Variants in MBOAT2 observed in about 807,000 individuals in gnomAD.
MBOAT2 encodes the protein membrane bound glycerophospholipid O-acyltransferase 2.
In MBOAT2, 28 loss-of-function variants were observed where a neutral mutation model predicts 63.4. That is an observed-to-expected ratio of 0.44 (90% CI 0.33 to 0.61). MBOAT2 has a LOEUF of 0.61. MBOAT2 is among the 20% of genes least tolerant of loss of function. The pLI is 0.03. For synonymous variants in MBOAT2, 211 were observed against 215.6 expected (o/e 0.98, Z 0.19); for missense variants, 470 against 605.8 (o/e 0.78, Z 2.35).
intron 1 of MBOAT2, among the ~76,000 whole-genome samples, chr2:8,992,431 C>G (rs1460906943): frequency 6.6e-6 from 1 of 152,148 alleles, no homozygotes; most frequent in Non-Finnish European, 1.5e-5. Flanking sequence ...GCTACCGTGC[C>G]CAGCCTCTCC....
rs954185150 is a variant in MBOAT2, at chr2:8,928,670, CA to C, written c.299+14516del. 2.0e-3 allele frequency among the ~76,000 whole-genome samples: 300 copies of C among 146,958 alleles called. 1 individual carries two copies. The highest frequency in any genetic ancestry group is 3.4e-3 in the Middle Eastern group (1 of 292). On this transcript the variant is annotated intron_variant, in intron 3 of 12. Transcript: ENST00000305997. ...TTTTATGAAAAATATATTTCCAAAA[CA>C]AAAAAAAAATTAGTGAGAAGAGTGG... is the stretch of plus-strand genomic sequence containing the variant.
rs1239129561 is a variant in MBOAT2 at position 8,853,970 on chromosome 2, T to C, written c.*4709A>G. On this transcript the variant is annotated 3_prime_UTR_variant, in exon 13 of 13. Coordinates refer to ENST00000305997, the MANE Select transcript of MBOAT2 (RefSeq NM_138799.4). ...TATTATTTTAAAACATACAAAAACATTATTCAGCAGCCTACCAATTAAAAT... is the reference window on the plus strand; with the variant it reads ...TATTATTTTAAAACATACAAAAACACTATTCAGCAGCCTACCAATTAAAAT... 1 of 152,170 alleles carries C rather than the reference T, an allele frequency of 6.6e-6. No individual in the cohort carries two copies. The highest frequency in any genetic ancestry group is 2.4e-5 in the African/African-American group (1 of 41,428). 9.4% of individuals were successfully genotyped at this position (152,170 alleles called of 1,614,324 possible). A position where few individuals can be genotyped will look rare whatever the true frequency, so the allele number is the denominator to read the frequency against.
At chr2:8,881,054 C>A (rs1221243354) in intron 6 of MBOAT2, among the ~76,000 whole-genome samples, 1 of 152,048 alleles carries the variant, frequency 6.6e-6, no homozygotes, top group East Asian at 1.9e-4. Flanking sequence ...GTGGGGATGG[C>A]CCAACAGAGA....
chr2:8,890,601 C>A (rs1663922835), intron 4 of MBOAT2, among the ~76,000 whole-genome samples: 1 of 152,138 alleles, frequency 6.6e-6, no homozygotes, highest in Non-Finnish European at 1.5e-5. Context: ...GTGACTGAAG[C>A]CTTGACCTTC....
At chr2:8,861,480 C>A (rs1010460124) in intron 11 of MBOAT2, among the ~76,000 whole-genome samples, 1 of 152,170 alleles carries the variant, frequency 6.6e-6, no homozygotes, top group African/African-American at 2.4e-5. Context: ...TACCTCAGGA[C>A]AAATGGATTT....
At chr2:8,896,309 C>T (rs1370931240) in intron 4 of MBOAT2, among the ~76,000 whole-genome samples, 2 of 151,712 alleles carry the variant, frequency 1.3e-5, no homozygotes, top group African/African-American at 2.4e-5. Flanking sequence ...CCGTAAAGGC[C>T]GGGTGGCATC....
At chr2:8,878,399 C>CA (rs1662856169) in intron 6 of MBOAT2, among the ~76,000 whole-genome samples, 1 of 152,232 alleles carries the variant, frequency 6.6e-6, no homozygotes, top group South Asian at 2.1e-4. Context: ...CACCTGTGGA[C>CA]AGCAGGCAGG....
At chr2:8,891,276 G>A (rs1176200495) in intron 4 of MBOAT2, among the ~76,000 whole-genome samples, 1 of 152,218 alleles carries the variant, frequency 6.6e-6, no homozygotes, top group East Asian at 1.9e-4. Context: ...TGTTATGGAT[G>A]AAAATAAGAA....
chr2:8,950,512 C>G (rs977642123), intron 2 of MBOAT2, among the ~76,000 whole-genome samples: 5 of 152,150 alleles, frequency 3.3e-5, no homozygotes, highest in African/African-American at 1.2e-4. Context: ...ACTGCAAGCT[C>G]CGCCTCCCGG....
At chr2:8,915,170 C>T (rs1456459811) in intron 3 of MBOAT2, among the ~76,000 whole-genome samples, 1 of 151,916 alleles carries the variant, frequency 6.6e-6, no homozygotes, top group Non-Finnish European at 1.5e-5. Context: ...AACTCCTGAC[C>T]TCAAGTGATC....
chr2:8,893,211 G>A (rs551592455), intron 4 of MBOAT2, among the ~76,000 whole-genome samples: 6 of 152,082 alleles, frequency 3.9e-5, no homozygotes, highest in Admixed American at 6.5e-5. Context: ...AATGGGATTC[G>A]ATAATGTATC....
At chr2:8,904,040 G>T (rs943713586) in intron 4 of MBOAT2, among the ~76,000 whole-genome samples, 1 of 151,796 alleles carries the variant, frequency 6.6e-6, no homozygotes, top group Non-Finnish European at 1.5e-5. Flanking sequence ...GCAGTGGTGT[G>T]ATCACAGCTC....
At position 8,889,973 on chromosome 2, in the gene MBOAT2, C is replaced by T. The variant is rs992475061; in HGVS notation, c.396-1900G>A. ...GACGGGTGACATGTGGCTGGGAGGA[C>T]GGGTAAGGTGTGGCTGGGAGTATGT... On this transcript the variant is annotated intron_variant, in intron 4 of 12. Transcript: ENST00000305997. 1.2e-4 allele frequency among the ~76,000 whole-genome samples: 18 copies of T among 151,850 alleles called. 1 individual carries two copies. Among genetic ancestry groups the T allele is most frequent in the Admixed American group, 4.6e-4 (7 of 15,234 alleles).
At chr2:8,931,527 T>C (rs749496969) in intron 3 of MBOAT2, among the ~76,000 whole-genome samples, 24 of 152,220 alleles carry the variant, frequency 1.6e-4, no homozygotes, top group Non-Finnish European at 1.6e-4. Flanking sequence ...TTTACTCCCA[T>C]TCTGTAGGTG....
chr2:8,913,634 C>T (rs780875116), intron 3 of MBOAT2, among the ~76,000 whole-genome samples: 1 of 152,086 alleles, frequency 6.6e-6, no homozygotes, highest in Non-Finnish European at 1.5e-5. Context: ...TGTGATACCA[C>T]CTTACTCCTG....
intron 4 of MBOAT2, among the ~76,000 whole-genome samples, chr2:8,898,642 T>C (rs1172032048): frequency 1.3e-5 from 2 of 152,212 alleles, no homozygotes; most frequent in Non-Finnish European, 2.9e-5. Flanking sequence ...ACTTGAGAAG[T>C]GGCCTAGATC....
intron 2 of MBOAT2, among the ~76,000 whole-genome samples, chr2:8,955,367 A>G (rs1558653626): frequency 6.6e-6 from 1 of 152,310 alleles, no homozygotes; most frequent in East Asian, 1.9e-4. Context: ...TCAGATCCCC[A>G]GTGGAAAGGT....
intron 3 of MBOAT2, among the ~76,000 whole-genome samples, chr2:8,926,676 A>C (rs185386118): frequency 1.3e-5 from 2 of 152,346 alleles, no homozygotes; most frequent in Admixed American, 6.5e-5. Context: ...GAAGCTGCCA[A>C]GCTAACAGAG....
intron 8 of MBOAT2, among the ~76,000 whole-genome samples, chr2:8,870,755 C>T (rs927842873): frequency 2.0e-5 from 3 of 152,110 alleles, no homozygotes; most frequent in African/African-American, 4.8e-5. Flanking sequence ...TGCCTTACAG[C>T]TAAAAATTCT....
Sources: allele counts gnomAD v4.1 joint callset (sites outside exome capture counted in the v4.1 genomes callset), GRCh38; gene constraint gnomAD v4.1.1; transcripts MANE v1.5; gene names NCBI Gene and HGNC (gene_info 2026-07-23, HGNC 2026-07-21).